Variants in PREX2 observed in about 807,000 individuals in gnomAD.
PREX2 encodes phosphatidylinositol 3,4,5-trisphosphate-dependent Rac exchanger 2 protein.
Under a neutral mutation model 203.2 loss-of-function variants are expected in PREX2, and 107 were observed. That is an observed-to-expected ratio of 0.53 (90% CI 0.45 to 0.62). The LOEUF (loss-of-function observed/expected upper bound fraction) is 0.62. PREX2 is among the 20% of genes least tolerant of loss of function. The pLI is 0.00. For missense variants in PREX2, 1,777 were observed against 1,955.9 expected, an observed-to-expected ratio of 0.91 and a Z score of 1.72; for synonymous variants, 672 against 663.6, an observed-to-expected ratio of 1.01 and a Z score of -0.19.
chr8:68,186,927 A>C, intron 35 of PREX2, among the ~76,000 whole-genome samples: 1 of 152,190 alleles, frequency 6.6e-6, no homozygotes, highest in Non-Finnish European at 1.5e-5. Flanking sequence ...AAACATTCGC[A>C]CCATTGAATA....
intron 1 of PREX2, among the ~76,000 whole-genome samples, chr8:68,010,460 T>G (rs372602860): frequency 6.6e-6 from 1 of 152,186 alleles, no homozygotes; most frequent in African/African-American, 2.4e-5. Flanking sequence ...ATAACCACAG[T>G]AGAAGTAATG....
At chr8:68,015,962 A>T (rs1337907336) in intron 1 of PREX2, among the ~76,000 whole-genome samples, 1 of 152,168 alleles carries the variant, frequency 6.6e-6, no homozygotes, top group African/African-American at 2.4e-5. Context: ...GATGTTGAAG[A>T]GTTGAGGCTA....
intron 35 of PREX2, among the ~76,000 whole-genome samples, chr8:68,166,472 G>A (rs1449691404): frequency 6.6e-6 from 1 of 152,160 alleles, no homozygotes; most frequent in East Asian, 1.9e-4. Context: ...AAGTTGCCCT[G>A]AATAAACACT....
At chr8:68,047,801 G>C (rs78875055) in intron 8 of PREX2, among the ~76,000 whole-genome samples, 2,262 of 151,900 alleles carry the variant, frequency 0.015, 49 homozygotes, top group African/African-American at 0.052. Flanking sequence ...TAAGGAAGAA[G>C]CTCTATCAGA....
intron 32 of PREX2, among the ~76,000 whole-genome samples, chr8:68,135,968 CA>C (rs1414951039): frequency 1.3e-5 from 2 of 152,012 alleles, no homozygotes; most frequent in Non-Finnish European, 2.9e-5. Flanking sequence ...TGAAATAAGC[CA>C]GTCACAAAAG....
At chr8:68,049,579 G>T (rs1808461050) in intron 8 of PREX2, among the ~76,000 whole-genome samples, 1 of 151,978 alleles carries the variant, frequency 6.6e-6, no homozygotes, top group African/African-American at 2.4e-5. Flanking sequence ...GACTTGTTCA[G>T]GTCTGTCCCT....
At chr8:67,954,590 A>G (rs1353477077) in intron 1 of PREX2, among the ~76,000 whole-genome samples, 1 of 152,226 alleles carries the variant, frequency 6.6e-6, no homozygotes, top group East Asian at 1.9e-4. Context: ...GATGGAAACA[A>G]GCAATAGAAG....
intron 31 of PREX2, among the ~76,000 whole-genome samples, chr8:68,131,778 A>AT (rs1332440888): frequency 6.6e-6 from 1 of 152,172 alleles, no homozygotes; most frequent in African/African-American, 2.4e-5. Flanking sequence ...AATCCTGGTG[A>AT]TTTTTGTGAA....
chr8:68,202,565 G>GA lies in PREX2; in HGVS notation c.4604+10041dup, dbSNP rs573945124. Among the ~76,000 whole-genome samples the GA allele has an allele frequency of 1.1e-4, 16 of 152,320 alleles. No homozygotes were observed. The East Asian group carries it at 3.1e-3, about 29-fold the overall frequency. ...GCAGGATTTTACAGTATTACAGCAA[G>GA]AGAAGATGAGACCTAGCACCGAAGC... On this transcript the variant is annotated intron_variant, in intron 37 of 39. Transcript: ENST00000288368.
rs1474721876 is a variant in PREX2 at position 68,109,484 on chromosome 8, C to G, written c.3007C>G (p.Leu1003Val). ...CATGGCGGCCCCTTCAGGTCTGTCT[C>G]TGGGACAGCAGGATGGCCATGGTCT... The part of the protein sequence containing the change: ...TTMAAPSGLS[L>V]GQQDGHGLRY... The change falls in exon 25 of 40, where the codon CTG becomes GTG. Residue 1003 changes from leucine to valine, a missense_variant. Physicochemically the swap from Leu to Val is conservative, Grantham distance 32 (BLOSUM62 1). Transcript: ENST00000288368. 2.5e-6 allele frequency: 4 copies of G among 1,614,038 alleles called. No homozygotes were observed. In the African/African-American group the frequency reaches 5.3e-5, roughly 22 times the overall value.
intron 23 of PREX2, among the ~76,000 whole-genome samples, chr8:68,102,481 C>T (rs545495627): frequency 1.1e-4 from 16 of 152,302 alleles, no homozygotes; most frequent in African/African-American, 3.4e-4. Flanking sequence ...ATTTAGGTGT[C>T]TAAGATGGTA....
chr8:68,072,810 A>G (rs567067292), intron 14 of PREX2, among the ~76,000 whole-genome samples: 51 of 152,336 alleles, frequency 3.3e-4, no homozygotes, highest in South Asian at 6.2e-4. Flanking sequence ...AAAATATCAG[A>G]TGATCCATCA....
At chr8:68,138,073 T>G (rs1229485852) in intron 32 of PREX2, among the ~76,000 whole-genome samples, 1 of 152,212 alleles carries the variant, frequency 6.6e-6, no homozygotes, top group African/African-American at 2.4e-5. Context: ...TTTAGAAGTT[T>G]AGATGCAAAT....
intron 8 of PREX2, among the ~76,000 whole-genome samples, chr8:68,051,979 T>C (rs777662019): frequency 6.6e-6 from 1 of 152,158 alleles, no homozygotes; most frequent in Non-Finnish European, 1.5e-5. Flanking sequence ...CCTCATATAA[T>C]GTGTAGTGAT....
chr8:68,065,302 G>A (rs1285989028), intron 11 of PREX2, among the ~76,000 whole-genome samples: 2 of 152,164 alleles, frequency 1.3e-5, no homozygotes, highest in East Asian at 1.9e-4. Context: ...GATTATTAAG[G>A]TATAAAAATG....
chr8:68,106,189 G>A, intron 23 of PREX2: 1 of 396,766 alleles, frequency 2.5e-6, no homozygotes, highest in East Asian at 6.9e-5. Flanking sequence ...TATTATGGTG[G>A]ATGCTGTTAC....
chr8:68,106,943 T>C (rs888829457), intron 23 of PREX2, among the ~76,000 whole-genome samples: 12 of 152,146 alleles, frequency 7.9e-5, no homozygotes, highest in African/African-American at 2.9e-4. Context: ...ACATGGTAGC[T>C]AGTGACTCTG....
At chr8:68,202,179 G>A (rs1226193226) in intron 37 of PREX2, among the ~76,000 whole-genome samples, 1 of 151,998 alleles carries the variant, frequency 6.6e-6, no homozygotes, top group Admixed American at 6.6e-5. Context: ...GGATTACAGG[G>A]GTGAGCCACT....
At position 68,233,744 on chromosome 8, in the gene PREX2, A is replaced by G. The variant is rs1813214101; in HGVS notation, c.*2366A>G. 1 of 152,198 alleles carries G rather than the reference A, an allele frequency of 6.6e-6. No homozygotes were observed. The highest frequency in any genetic ancestry group is 6.5e-5 in the Admixed American group (1 of 15,274). 9.4% of individuals were successfully genotyped at this position (152,198 alleles called of 1,614,324 possible). A position where few individuals can be genotyped will look rare whatever the true frequency, so the allele number is the denominator to read the frequency against. ...TTTTTAGAGTTGAGGAACCAAAGCA[A>G]AGAATAACCCAGTGACTTGCACAAA... On this transcript the variant is annotated 3_prime_UTR_variant, in exon 40 of 40. Transcript: ENST00000288368.
Sources: gnomAD v4.1 joint callset for allele counts (sites outside exome capture counted in the v4.1 genomes callset) on GRCh38, gnomAD v4.1.1 for gene constraint, MANE v1.5 for transcripts, NCBI Gene and HGNC (gene_info 2026-07-23, HGNC 2026-07-21) for gene names.